Variants in PPP3CA observed in about 807,000 individuals in gnomAD.
PPP3CA encodes protein phosphatase 3 catalytic subunit alpha.
Under a neutral mutation model 66.5 loss-of-function variants are expected in PPP3CA, and 14 were observed. The observed-to-expected ratio is 0.21, with a 90% CI of 0.14 to 0.33. The LOEUF is 0.33. PPP3CA is among the 10% of genes least tolerant of loss of function. PPP3CA has a pLI of 1.00. For missense variants in PPP3CA, 317 were observed against 639.5 expected (o/e 0.50, Z 5.44); for synonymous variants, 232 against 226.2 (o/e 1.03, Z -0.23).
At chr4:101,069,505 T>C (rs1728821594) in intron 8 of PPP3CA, among the ~76,000 whole-genome samples, 2 of 152,330 alleles carry the variant, frequency 1.3e-5, no homozygotes, top group Middle Eastern at 3.4e-3. Flanking sequence ...AATACTCATA[T>C]TATCTTACCT....
intron 2 of PPP3CA, among the ~76,000 whole-genome samples, chr4:101,155,343 C>T (rs1015824971): frequency 7.2e-5 from 11 of 152,170 alleles, no homozygotes; most frequent in Non-Finnish European, 1.5e-4. Context: ...AACAGATTCG[C>T]ATTATGTAGA....
chr4:101,125,188 C>T (rs555927737), intron 2 of PPP3CA, among the ~76,000 whole-genome samples: 2 of 152,298 alleles, frequency 1.3e-5, no homozygotes, highest in African/African-American at 2.4e-5. Flanking sequence ...TTGCCATTCA[C>T]GAACATTACT....
At chr4:101,319,057 T>C (rs1304412704) in intron 1 of PPP3CA, among the ~76,000 whole-genome samples, 1 of 151,452 alleles carries the variant, frequency 6.6e-6, no homozygotes. Context: ...AAATTAGCAA[T>C]GAATGAGAAC....
intron 2 of PPP3CA, among the ~76,000 whole-genome samples, chr4:101,195,100 C>A (rs1024053941): frequency 6.6e-6 from 1 of 151,780 alleles, no homozygotes; most frequent in African/African-American, 2.4e-5. Flanking sequence ...TGGTGAAACA[C>A]CATCTCTACA....
chr4:101,044,955 G>C (rs1727693824), intron 10 of PPP3CA, among the ~76,000 whole-genome samples: 1 of 152,206 alleles, frequency 6.6e-6, no homozygotes, highest in South Asian at 2.1e-4. Flanking sequence ...ACAGATAGTG[G>C]GGGCAAGTGC....
At chr4:101,110,702 A>T (rs1440860154) in intron 2 of PPP3CA, among the ~76,000 whole-genome samples, 1 of 152,204 alleles carries the variant, frequency 6.6e-6, no homozygotes, top group Non-Finnish European at 1.5e-5. Flanking sequence ...CTGAGCAAAT[A>T]AATCCATATT....
intron 2 of PPP3CA, among the ~76,000 whole-genome samples, chr4:101,130,992 C>T (rs551813734): frequency 1.3e-5 from 2 of 151,982 alleles, no homozygotes; most frequent in Non-Finnish European, 2.9e-5. Context: ...TTTGGGAGGC[C>T]GAGGTGGGCA....
chr4:101,285,854 T>G (rs1056292090), intron 1 of PPP3CA, among the ~76,000 whole-genome samples: 2 of 152,140 alleles, frequency 1.3e-5, no homozygotes, highest in Admixed American at 6.6e-5. Context: ...TTTGCAGTCA[T>G]TCGACAAAAG....
rs145417652 is a variant in PPP3CA at position 101,271,364 on chromosome 4, A to G, written c.59-75248T>C. On this transcript the variant is annotated intron_variant, in intron 1 of 13. Coordinates refer to ENST00000394854, the MANE Select transcript of PPP3CA (RefSeq NM_000944.5). ...CAACCATCACTGTTAAGTGCTAGTTAACCATTTTCCCACCAGCATACCACC... is the reference window on the plus strand; with the variant it reads ...CAACCATCACTGTTAAGTGCTAGTTGACCATTTTCCCACCAGCATACCACC... Among the ~76,000 whole-genome samples the G allele has an allele frequency of 2.6e-5, 4 of 152,174 alleles. No homozygotes were observed. The East Asian group carries it at 7.7e-4, about 29-fold the overall frequency.
chr4:101,283,510 T>C (rs552282285), intron 1 of PPP3CA, among the ~76,000 whole-genome samples: 2 of 152,294 alleles, frequency 1.3e-5, no homozygotes, highest in South Asian at 2.1e-4. Context: ...TACAAGTAAA[T>C]TAACAAAATA....
intron 8 of PPP3CA, among the ~76,000 whole-genome samples, chr4:101,076,427 CAT>C (rs1351502201): frequency 6.6e-6 from 1 of 152,072 alleles, no homozygotes; most frequent in East Asian, 1.9e-4. Flanking sequence ...ATTATAACCT[CAT>C]TGGGAAATAA....
At chr4:101,113,566 G>C (rs528519747) in intron 2 of PPP3CA, among the ~76,000 whole-genome samples, 11 of 152,008 alleles carry the variant, frequency 7.2e-5, no homozygotes, top group Non-Finnish European at 1.5e-4. Flanking sequence ...CATGTCTTTG[G>C]GTATTTCATT....
chr4:101,161,290 T>C (rs1042091445), intron 2 of PPP3CA, among the ~76,000 whole-genome samples: 6 of 152,146 alleles, frequency 3.9e-5, no homozygotes, highest in Non-Finnish European at 8.8e-5. Context: ...TCTCAGGATG[T>C]TTCCCTGTTG....
intron 1 of PPP3CA, among the ~76,000 whole-genome samples, chr4:101,340,219 G>C (rs1435258378): frequency 1.3e-5 from 2 of 152,098 alleles, no homozygotes; most frequent in Non-Finnish European, 2.9e-5. Context: ...AGTTGCAAGA[G>C]ACAGAAGTTC....
At chr4:101,229,238 C>CACAA in intron 1 of PPP3CA, among the ~76,000 whole-genome samples, 1 of 151,386 alleles carries the variant, frequency 6.6e-6, no homozygotes, top group East Asian at 2.0e-4. Flanking sequence ...CATTATTTTA[C>CACAA]ACTCACACAC....
intron 1 of PPP3CA, among the ~76,000 whole-genome samples, chr4:101,346,067 G>GC (rs1729976744): frequency 6.6e-6 from 1 of 151,896 alleles, no homozygotes; most frequent in Admixed American, 6.5e-5. Flanking sequence ...CGCCTCCCGC[G>GC]CCCCCCGCGG....
At chr4:101,118,468 G>A (rs1721917423) in intron 2 of PPP3CA, among the ~76,000 whole-genome samples, 1 of 151,492 alleles carries the variant, frequency 6.6e-6, no homozygotes, top group South Asian at 2.1e-4. Context: ...TACACACCTG[G>A]CACTTATTAT....
At position 101,100,818 on chromosome 4, in the gene PPP3CA, T is replaced by C. The variant is rs188317115; in HGVS notation, c.385-1096A>G. Among the ~76,000 whole-genome samples, 449 of 152,260 alleles carry C rather than the reference T, an allele frequency of 2.9e-3. 1 individual carries two copies. The highest frequency in any genetic ancestry group is 0.01 in the African/African-American group (420 of 41,568). ...ATCAATGAGATTTATACATTAATAA[T>C]TGGCTTTCCAATACAGTAGATATCC... On this transcript the variant is annotated intron_variant, in intron 3 of 13. Transcript: ENST00000394854.
chr4:101,165,753 T>G (rs768069340), intron 2 of PPP3CA, among the ~76,000 whole-genome samples: 6 of 152,160 alleles, frequency 3.9e-5, no homozygotes, highest in Non-Finnish European at 8.8e-5. Flanking sequence ...TAAAAGGAAT[T>G]TATCAGATAA....
Sources: gnomAD v4.1 joint callset for allele counts (sites outside exome capture counted in the v4.1 genomes callset) on GRCh38, gnomAD v4.1.1 for gene constraint, MANE v1.5 for transcripts, NCBI Gene and HGNC (gene_info 2026-07-23, HGNC 2026-07-21) for gene names.